ITFG1: variants seen among roughly 807,000 people sequenced by gnomAD.
ITFG1 encodes the protein T-cell immunomodulatory protein.
ITFG1 carries 34 observed loss-of-function variants against 81.8 expected under a neutral mutation model. The observed-to-expected ratio is 0.42, with a 90% CI of 0.32 to 0.55. The LOEUF (loss-of-function observed/expected upper bound fraction) is 0.55. Ranked by LOEUF, ITFG1 falls within the 20% of genes least tolerant of loss-of-function variation. ITFG1 has a pLI of 0.17. For synonymous variants in ITFG1, 285 were observed against 270.6 expected, an observed-to-expected ratio of 1.05 and a Z score of -0.52; for missense variants, 672 against 755.4, an observed-to-expected ratio of 0.89 and a Z score of 1.29.
chr16:47,393,057 G>A (rs1968552193), intron 6 of ITFG1, among the ~76,000 whole-genome samples: 1 of 152,160 alleles, frequency 6.6e-6, no homozygotes, highest in African/African-American at 2.4e-5. Context: ...ATTCTAAATG[G>A]AGAAAGACAG....
At chr16:47,242,504 T>A (rs1965946379) in intron 12 of ITFG1, among the ~76,000 whole-genome samples, 1 of 152,092 alleles carries the variant, frequency 6.6e-6, no homozygotes. Context: ...ATTTTATAAA[T>A]CAATTAGAAA....
intron 6 of ITFG1, among the ~76,000 whole-genome samples, chr16:47,412,386 A>G (rs11860257): frequency 0.12 from 18,102 of 152,218 alleles, 2,362 homozygotes; most frequent in African/African-American, 0.33. Context: ...GAAAGACGAC[A>G]TAGTCATTTT....
chr16:47,424,137 T>C (rs1596974695), intron 6 of ITFG1, among the ~76,000 whole-genome samples: 2 of 152,330 alleles, frequency 1.3e-5, no homozygotes, highest in East Asian at 3.9e-4. Flanking sequence ...CTTTTTACTC[T>C]TTTTTCTCTA....
At chr16:47,384,465 A>C (rs966831031) in intron 6 of ITFG1, among the ~76,000 whole-genome samples, 7 of 152,126 alleles carry the variant, frequency 4.6e-5, no homozygotes. Context: ...CCAGAGAGGC[A>C]TTTTCTGCTA....
At chr16:47,192,927 G>C (rs1487120847) in intron 14 of ITFG1, among the ~76,000 whole-genome samples, 1 of 152,116 alleles carries the variant, frequency 6.6e-6, no homozygotes, top group Non-Finnish European at 1.5e-5. Context: ...CTAGCAATTA[G>C]TCAATCGCCC....
chr16:47,212,236 C>T (rs8045358), intron 14 of ITFG1, among the ~76,000 whole-genome samples: 4 of 151,594 alleles, frequency 2.6e-5, no homozygotes, highest in East Asian at 1.9e-4. Flanking sequence ...TTTTTTGAGA[C>T]GGGGTCTTGC....
At chr16:47,394,951 A>T (rs542991997) in intron 6 of ITFG1, among the ~76,000 whole-genome samples, 1 of 152,188 alleles carries the variant, frequency 6.6e-6, no homozygotes, top group South Asian at 2.1e-4. Context: ...GGTGCAGCTA[A>T]ATAATACTTT....
chr16:47,197,489 G>C (rs1408027824), intron 14 of ITFG1, among the ~76,000 whole-genome samples: 1 of 151,898 alleles, frequency 6.6e-6, no homozygotes, highest in Non-Finnish European at 1.5e-5. Flanking sequence ...TACATGTATT[G>C]CTTTATGTAT....
rs1245931630 is a variant in ITFG1 at position 47,155,697 on chromosome 16, A to C, written c.*22T>G. 2 of 1,556,416 alleles carry C rather than the reference A, an allele frequency of 1.3e-6. No homozygotes were observed. Among genetic ancestry groups the C allele is most frequent in the South Asian group, 2.3e-5 (2 of 85,628 alleles). The stretch of plus-strand genomic sequence containing the variant: ...AACTAATCAAGTGAACAGCCATTCC[A>C]TTATGTAATATTAAAGGCAAGTCAC... On this transcript the variant is annotated 3_prime_UTR_variant, in exon 18 of 18. Coordinates refer to ENST00000320640, the MANE Select transcript of ITFG1 (RefSeq NM_030790.5).
intron 6 of ITFG1, among the ~76,000 whole-genome samples, chr16:47,376,982 A>AG (rs1968334444): frequency 1.3e-5 from 2 of 150,988 alleles, no homozygotes; most frequent in Admixed American, 1.3e-4. Flanking sequence ...AAAAAAAAAA[A>AG]AAAAAAAAGA....
At chr16:47,378,163 G>A (rs900558490) in intron 6 of ITFG1, among the ~76,000 whole-genome samples, 1 of 152,136 alleles carries the variant, frequency 6.6e-6, no homozygotes, top group Admixed American at 6.5e-5. Context: ...TGCAAGTTCT[G>A]ACCTATTTGA....
At chr16:47,359,298 T>C (rs1299825870) in intron 8 of ITFG1, among the ~76,000 whole-genome samples, 1 of 152,196 alleles carries the variant, frequency 6.6e-6, no homozygotes, top group African/African-American at 2.4e-5. Flanking sequence ...GTATTTCATT[T>C]TGTCTTCTAA....
At chr16:47,242,032 C>T (rs979432393) in intron 12 of ITFG1, among the ~76,000 whole-genome samples, 2 of 151,340 alleles carry the variant, frequency 1.3e-5, no homozygotes, top group Admixed American at 1.3e-4. Flanking sequence ...ACTATATTCT[C>T]AAATGATTGC....
chr16:47,451,443 A>G lies in ITFG1; in HGVS notation c.513T>C (p.Ile171=). ...MDFNGDLIPD[I]FGITNESNQP... ...GGTTGGATTCATTTGTGATACCAAA[A>G]ATATCAGGAATTAGATCACCATTGA... Residue 171 remains isoleucine, a synonymous_variant, in exon 5 of 18, where the codon ATT becomes ATC. Transcript: ENST00000320640. 6.3e-7 allele frequency: 1 copy of G among 1,584,642 alleles called. No homozygotes were observed. Among genetic ancestry groups the G allele is most frequent in the South Asian group, 1.1e-5 (1 of 90,064 alleles).
intron 6 of ITFG1, among the ~76,000 whole-genome samples, chr16:47,419,363 A>C (rs1968912858): frequency 1.3e-5 from 2 of 151,820 alleles, no homozygotes; most frequent in South Asian, 4.2e-4. Context: ...CAACCTCCCA[A>C]GCTCAAGCAA....
At chr16:47,234,378 G>C (rs1965849514) in intron 13 of ITFG1, among the ~76,000 whole-genome samples, 1 of 152,186 alleles carries the variant, frequency 6.6e-6, no homozygotes, top group Admixed American at 6.5e-5. Flanking sequence ...CTCATTGGTA[G>C]ATTGGACATG....
chr16:47,305,147 G>A (rs896319135), intron 10 of ITFG1, among the ~76,000 whole-genome samples: 24 of 152,148 alleles, frequency 1.6e-4, no homozygotes, highest in African/African-American at 5.8e-4. Flanking sequence ...TAATTTGTCT[G>A]GAAAGACAAG....
chr16:47,451,514 T>A, intron 4 of ITFG1, 44 bp from the exon 5 acceptor site: 1 of 1,040,250 alleles, frequency 9.6e-7, no homozygotes, highest in South Asian at 1.4e-5. Context: ...CTTTAAATTC[T>A]TACTTCTAAT....
intron 13 of ITFG1, 142 bp from the exon 14 acceptor site, chr16:47,219,088 A>G (rs2151527165): frequency 2.3e-6 from 1 of 430,120 alleles, no homozygotes; most frequent in South Asian, 6.4e-5. Flanking sequence ...ACATCAAAAG[A>G]AAACCTGTTG....
Sources: allele counts gnomAD v4.1 joint callset (sites outside exome capture counted in the v4.1 genomes callset), GRCh38; gene constraint gnomAD v4.1.1; transcripts MANE v1.5; gene names NCBI Gene and HGNC (gene_info 2026-07-23, HGNC 2026-07-21).